Variants in AFG2A observed in about 807,000 individuals in gnomAD.
AFG2A encodes the protein ATPase family gene 2 protein homolog A.
At chr4:123,300,339 G>A in the AFG2A span, among the ~76,000 whole-genome samples, 3 of 152,150 alleles carry the variant, frequency 2.0e-5, no homozygotes, top group Non-Finnish European at 4.4e-5. Flanking sequence ...TTACACGTAT[G>A]TGTTATTTCC....
the AFG2A span, among the ~76,000 whole-genome samples, chr4:122,999,385 T>A: frequency 3.9e-5 from 6 of 151,954 alleles, no homozygotes; most frequent in Non-Finnish European, 7.4e-5. Flanking sequence ...TCCTTGCCCA[T>A]GCCTATGTCC....
the AFG2A span, among the ~76,000 whole-genome samples, chr4:123,136,674 C>CA: frequency 0.01 from 1,449 of 142,058 alleles, 11 homozygotes; most frequent in Non-Finnish European, 0.016. Context: ...AATTCCGTCT[C>CA]AAAAAAAAAA....
At chr4:123,123,855 G>A in the AFG2A span, among the ~76,000 whole-genome samples, 1 of 150,100 alleles carries the variant, frequency 6.7e-6, no homozygotes, top group South Asian at 2.1e-4. Flanking sequence ...GGGAGGCTGA[G>A]GCAGGAGAAT....
the AFG2A span, among the ~76,000 whole-genome samples, chr4:122,968,520 T>C: frequency 2.0e-5 from 3 of 152,230 alleles, no homozygotes; most frequent in African/African-American, 7.2e-5. Flanking sequence ...CTGTTTTGCC[T>C]TCTCTTCTTT....
the AFG2A span, chr4:123,314,349 C>A: frequency 1.0e-5 from 2 of 196,146 alleles, no homozygotes; most frequent in Non-Finnish European, 2.0e-5. Context: ...TCCCATGAAG[C>A]GATTTCTTTT....
the AFG2A span, among the ~76,000 whole-genome samples, chr4:123,259,519 T>C: frequency 6.6e-6 from 1 of 152,208 alleles, no homozygotes; most frequent in African/African-American, 2.4e-5. Context: ...TGGCCCTCAT[T>C]GTCCTGGCTT....
chr4:123,172,718 C>T, the AFG2A span, among the ~76,000 whole-genome samples: 2 of 152,110 alleles, frequency 1.3e-5, no homozygotes, highest in Non-Finnish European at 2.9e-5. Context: ...AGTATAAATA[C>T]TTTAAAGATT....
chr4:123,299,178 CAT>C, the AFG2A span, among the ~76,000 whole-genome samples: 3 of 151,332 alleles, frequency 2.0e-5, no homozygotes, highest in East Asian at 1.9e-4. Flanking sequence ...TGTAGATACA[CAT>C]ATATTTATTT....
At chr4:123,046,714 G>A in the AFG2A span, among the ~76,000 whole-genome samples, 1 of 151,802 alleles carries the variant, frequency 6.6e-6, no homozygotes, top group Non-Finnish European at 1.5e-5. Context: ...TGTCTCTACT[G>A]TACTACTGAA....
the AFG2A span, among the ~76,000 whole-genome samples, chr4:122,952,792 G>A: frequency 3.9e-5 from 6 of 152,162 alleles, no homozygotes; most frequent in African/African-American, 1.4e-4. Context: ...ATGCAAATTG[G>A]TCTTGACTCT....
chr4:123,124,142 A>G, the AFG2A span, among the ~76,000 whole-genome samples: 37 of 152,212 alleles, frequency 2.4e-4, no homozygotes, highest in Non-Finnish European at 4.4e-4. Flanking sequence ...TACTGGGTAT[A>G]TACCCAAACG....
the AFG2A span, among the ~76,000 whole-genome samples, chr4:122,937,046 G>A: frequency 7.9e-5 from 12 of 152,230 alleles, no homozygotes; most frequent in South Asian, 2.5e-3. Context: ...CACCTACTAA[G>A]GAAGCTGAGG....
At chr4:122,991,003 A>T in the AFG2A span, among the ~76,000 whole-genome samples, 1 of 152,192 alleles carries the variant, frequency 6.6e-6, no homozygotes. Context: ...TGGACTCCTC[A>T]GAGTCTTTTA....
the AFG2A span, among the ~76,000 whole-genome samples, chr4:122,966,357 C>T: frequency 0.054 from 8,201 of 152,210 alleles, 526 homozygotes; most frequent in African/African-American, 0.16. Flanking sequence ...TACCTACAAA[C>T]GAAGTAATAG....
At chr4:123,125,630 G>T in the AFG2A span, among the ~76,000 whole-genome samples, 109 of 152,254 alleles carry the variant, frequency 7.2e-4, no homozygotes, top group African/African-American at 2.4e-3. Flanking sequence ...ATCCTGCTGA[G>T]TACCTGTATC....
chr4:123,131,293 A>G, the AFG2A span, among the ~76,000 whole-genome samples: 7 of 152,134 alleles, frequency 4.6e-5, no homozygotes, highest in Non-Finnish European at 1.0e-4. Flanking sequence ...AATGTCTCCT[A>G]TGGGGATTTT....
At chr4:123,166,166 T>C in the AFG2A span, among the ~76,000 whole-genome samples, 3 of 152,176 alleles carry the variant, frequency 2.0e-5, no homozygotes, top group Admixed American at 6.5e-5. Flanking sequence ...TGTTAAGGTG[T>C]TGACAAAGGA....
chr4:123,179,600 G>T, the AFG2A span, among the ~76,000 whole-genome samples: 1 of 152,170 alleles, frequency 6.6e-6, no homozygotes, highest in Non-Finnish European at 1.5e-5. Context: ...TTGAGCTCAG[G>T]CAGTCCGCCC....
the AFG2A span, among the ~76,000 whole-genome samples, chr4:122,955,470 T>C: frequency 2.0e-5 from 3 of 152,198 alleles, no homozygotes; most frequent in Non-Finnish European, 4.4e-5. Context: ...CCATTGCAGT[T>C]ATTTTAGAGC....
Sources: gnomAD v4.1 joint callset for allele counts (sites outside exome capture counted in the v4.1 genomes callset) on GRCh38, gnomAD v4.1.1 for gene constraint, MANE v1.5 for transcripts, NCBI Gene and HGNC (gene_info 2026-07-23, HGNC 2026-07-21) for gene names.